ATAD2B: variants seen among roughly 807,000 people sequenced by gnomAD.
ATAD2B encodes the protein ATPase family AAA domain containing 2B.
Under a neutral mutation model 167.6 loss-of-function variants are expected in ATAD2B, and 40 were observed. The observed-to-expected ratio is 0.24, with a 90% CI of 0.19 to 0.31. The LOEUF is 0.31. Ranked by LOEUF, ATAD2B falls within the 10% of genes least tolerant of loss-of-function variation. The probability of loss-of-function intolerance (pLI) is 1.00; values close to 1 mark genes in which losing one functional copy is unlikely to be tolerated. For synonymous variants in ATAD2B, 579 were observed against 596.5 expected (o/e 0.97, Z 0.43); for missense variants, 1,242 against 1,757.2 (o/e 0.71, Z 5.24).
intron 19 of ATAD2B, among the ~76,000 whole-genome samples, chr2:23,793,533 T>C (rs1371028248): frequency 6.6e-6 from 1 of 152,164 alleles, no homozygotes; most frequent in Non-Finnish European, 1.5e-5. Context: ...TCAGAAAGGG[T>C]TTATAAAAGT....
intron 27 of ATAD2B, 23 bp downstream of exon 27, chr2:23,754,151 TTATTC>T (rs1246762971): frequency 6.8e-7 from 1 of 1,462,222 alleles, no homozygotes; most frequent in Admixed American, 3.0e-5. Context: ...AAGTATTTGT[TTATTC>T]TACAGATAAA....
intron 11 of ATAD2B, among the ~76,000 whole-genome samples, chr2:23,864,592 A>T (rs1327267273): frequency 6.6e-6 from 1 of 152,218 alleles, no homozygotes; most frequent in East Asian, 1.9e-4. Flanking sequence ...AAAGAATCTT[A>T]TCAAGTGCCT....
intron 6 of ATAD2B, among the ~76,000 whole-genome samples, chr2:23,884,357 C>T (rs1009212222): frequency 6.6e-6 from 1 of 152,128 alleles, no homozygotes; most frequent in Admixed American, 6.6e-5. Flanking sequence ...AAACTTTACT[C>T]TTTATTCCTC....
chr2:23,706,775 A>G, the ATAD2B span: 1 of 685,906 alleles, frequency 1.5e-6, no homozygotes, highest in Non-Finnish European at 2.3e-6. Context: ...ACAATCAAGG[A>G]ACTCACTGCG....
intron 18 of ATAD2B, among the ~76,000 whole-genome samples, chr2:23,805,795 T>TTAAAAAAAAAAAA (rs373812965): frequency 3.0e-5 from 3 of 100,970 alleles, no homozygotes; most frequent in Non-Finnish European, 4.0e-5. Flanking sequence ...TATCAAGCTT[T>TTAAAAAAAAAAAA]AAAAAAAAAA....
chr2:23,755,376 T>C (rs116570070), intron 25 of ATAD2B, among the ~76,000 whole-genome samples: 1,592 of 152,294 alleles, frequency 0.01, 13 homozygotes, highest in Middle Eastern at 0.017. Flanking sequence ...TAGTGTAATC[T>C]AATTACTTTC....
the ATAD2B span, among the ~76,000 whole-genome samples, chr2:23,730,205 A>C: frequency 6.6e-6 from 1 of 152,228 alleles, no homozygotes; most frequent in South Asian, 2.1e-4. Context: ...AAAATAATAC[A>C]TAGTATATTC....
At chr2:23,829,628 G>T (rs918840450) in intron 14 of ATAD2B, among the ~76,000 whole-genome samples, 9 of 152,084 alleles carry the variant, frequency 5.9e-5, no homozygotes, top group African/African-American at 2.2e-4. Flanking sequence ...GGTGGTGCAC[G>T]CCTGTGGTCC....
chr2:23,833,457 T>C (rs1254734508), intron 14 of ATAD2B, among the ~76,000 whole-genome samples: 3 of 152,208 alleles, frequency 2.0e-5, no homozygotes, highest in African/African-American at 7.2e-5. Flanking sequence ...GTATTATTAG[T>C]ACATTCTTTT....
chr2:23,854,255 AAAG>A (rs1693007795), intron 13 of ATAD2B, among the ~76,000 whole-genome samples: 1 of 152,082 alleles, frequency 6.6e-6, no homozygotes, highest in African/African-American at 2.4e-5. Context: ...AAAGAAAAAA[AAAG>A]AATACCTGTA....
At chr2:23,841,906 G>A (rs1338737706) in intron 13 of ATAD2B, among the ~76,000 whole-genome samples, 1 of 152,008 alleles carries the variant, frequency 6.6e-6, no homozygotes, top group Non-Finnish European at 1.5e-5. Context: ...TGGACATTTG[G>A]GTTATTTCTA....
intron 17 of ATAD2B, among the ~76,000 whole-genome samples, chr2:23,814,983 G>A (rs1323595943): frequency 6.6e-6 from 1 of 151,572 alleles, no homozygotes; most frequent in Non-Finnish European, 1.5e-5. Flanking sequence ...TTGAACCTGG[G>A]AGGTGGAGGT....
intron 19 of ATAD2B, among the ~76,000 whole-genome samples, chr2:23,794,122 A>G (rs142755696): frequency 9.7e-4 from 148 of 151,978 alleles, no homozygotes; most frequent in African/African-American, 3.5e-3. Flanking sequence ...CGATCCTCCC[A>G]CCTCAGCCTC....
At chr2:23,862,331 C>A (rs903356100) in intron 12 of ATAD2B, among the ~76,000 whole-genome samples, 2 of 151,288 alleles carry the variant, frequency 1.3e-5, no homozygotes, top group Non-Finnish European at 2.9e-5. Flanking sequence ...CAAATATATG[C>A]TGCATTGCCA....
chr2:23,794,207 G>A (rs1461950777), intron 19 of ATAD2B, among the ~76,000 whole-genome samples: 2 of 152,182 alleles, frequency 1.3e-5, no homozygotes, highest in Non-Finnish European at 2.9e-5. Context: ...ATGGTGTTAT[G>A]CCATGTTGCC....
intron 5 of ATAD2B, 127 bp downstream of exon 5, chr2:23,885,600 A>G (rs578227321): frequency 1.3e-4 from 72 of 549,010 alleles, no homozygotes; most frequent in African/African-American, 1.2e-3. Flanking sequence ...ATCCCAAACT[A>G]AGTTGGAAAT....
chr2:23,922,600 C>T (rs185367592), intron 1 of ATAD2B, among the ~76,000 whole-genome samples: 32 of 151,606 alleles, frequency 2.1e-4, no homozygotes, highest in Admixed American at 8.6e-4. Context: ...ATAGGGTACT[C>T]CTACAACTCC....
intron 18 of ATAD2B, among the ~76,000 whole-genome samples, chr2:23,799,534 C>T (rs908278671): frequency 2.3e-5 from 3 of 128,582 alleles, no homozygotes; most frequent in Admixed American, 1.0e-4. Flanking sequence ...GATCACACCA[C>T]TATACTCCAG....
intron 6 of ATAD2B, among the ~76,000 whole-genome samples, chr2:23,883,363 G>A (rs535890840): frequency 1.4e-4 from 21 of 149,824 alleles, no homozygotes; most frequent in African/African-American, 4.2e-4. Flanking sequence ...AATTTTTATC[G>A]TTAGGTTGTA....
Sources: gnomAD v4.1 joint callset for allele counts (sites outside exome capture counted in the v4.1 genomes callset) on GRCh38, gnomAD v4.1.1 for gene constraint, MANE v1.5 for transcripts, NCBI Gene and HGNC (gene_info 2026-07-23, HGNC 2026-07-21) for gene names.